The following STXBP4 variants were observed in gnomAD, a reference collection of about 807,000 sequenced individuals.
STXBP4 encodes syntaxin-binding protein 4.
A neutral mutation model predicts 76.1 loss-of-function variants in STXBP4; 55 were observed. The observed-to-expected ratio is 0.72, with a 90% CI of 0.58 to 0.91. The LOEUF (loss-of-function observed/expected upper bound fraction) is 0.91. STXBP4 is among the 40% of genes least tolerant of loss of function. The probability of loss-of-function intolerance (pLI) is 0.00; values close to 1 mark genes in which losing one functional copy is unlikely to be tolerated. For synonymous variants in STXBP4, 201 were observed against 220.2 expected, an observed-to-expected ratio of 0.91 and a Z score of 0.77; for missense variants, 618 against 636.9, an observed-to-expected ratio of 0.97 and a Z score of 0.32.
At chr17:55,086,363 A>G (rs1379972136) in intron 16 of STXBP4, among the ~76,000 whole-genome samples, 2 of 152,186 alleles carry the variant, frequency 1.3e-5, no homozygotes, top group South Asian at 2.1e-4. Flanking sequence ...TAGCATATCT[A>G]TCATCTCAAA....
chr17:55,152,533 G>A (rs1598353606), intron 17 of STXBP4, among the ~76,000 whole-genome samples: 1 of 152,136 alleles, frequency 6.6e-6, no homozygotes, highest in African/African-American at 2.4e-5. Context: ...CACGTGGCTG[G>A]GGAGGCCTCC....
In STXBP4 at chr17:54,986,249, A is replaced by C; in HGVS notation, c.30A>C (p.Ser10=). The change falls in exon 3 of 18, where the codon TCA becomes TCC. Residue 10 remains serine, a synonymous_variant. Transcript: ENST00000376352. MNKNTSTVV[S]PSLLEKDPAF... ...ATAAAAATACATCTACTGTAGTATCACCCAGTCTACTTGAAAAGTAATTTT... is the reference window on the plus strand; with the variant it reads ...ATAAAAATACATCTACTGTAGTATCCCCCAGTCTACTTGAAAAGTAATTTT... 1 of 1,600,350 alleles carries C rather than the reference A, an allele frequency of 6.2e-7. No homozygotes were observed. Among genetic ancestry groups the C allele is most frequent in the Non-Finnish European group, 8.5e-7 (1 of 1,173,844 alleles).
At chr17:55,096,346 T>C (rs758948805) in intron 16 of STXBP4, among the ~76,000 whole-genome samples, 2 of 152,092 alleles carry the variant, frequency 1.3e-5, no homozygotes, top group Non-Finnish European at 2.9e-5. Context: ...TTTGTAGAGA[T>C]GGGATTTTGC....
chr17:55,025,748 A>G lies in STXBP4; in HGVS notation c.667-5420A>G, dbSNP rs556715255. On this transcript the variant is annotated intron_variant, in intron 8 of 17. Transcript: ENST00000376352. ...GGAATAAGACAAGGATGTCTGCTTT[A>G]CCACTTCTATTTTATGTTGCGTTGG... Among the ~76,000 whole-genome samples the G allele has an allele frequency of 2.9e-4, 44 of 152,336 alleles. 1 individual carries two copies. Among genetic ancestry groups the G allele is most frequent in the Middle Eastern group, 6.8e-3 (2 of 294 alleles).
chr17:55,135,967 CA>C (rs1201003417), intron 16 of STXBP4, among the ~76,000 whole-genome samples: 7 of 152,096 alleles, frequency 4.6e-5, no homozygotes, highest in African/African-American at 1.7e-4. Context: ...CTCTGGCATC[CA>C]AATGCTTACA....
chr17:55,212,022 G>A, the STXBP4 span, among the ~76,000 whole-genome samples: 3,603 of 150,182 alleles, frequency 0.024, 93 homozygotes, highest in Non-Finnish European at 0.03. Flanking sequence ...GATTCATCAT[G>A]TCTGTCAGGC....
chr17:54,998,623 G>A (rs942914023), intron 4 of STXBP4, among the ~76,000 whole-genome samples: 13 of 152,136 alleles, frequency 8.5e-5, no homozygotes, highest in South Asian at 2.1e-4. Flanking sequence ...AGCCAACTAG[G>A]CCTTAATCAT....
intron 17 of STXBP4, among the ~76,000 whole-genome samples, chr17:55,155,097 G>A (rs956393924): frequency 6.6e-6 from 1 of 152,138 alleles, no homozygotes; most frequent in Middle Eastern, 3.4e-3. Context: ...GATTTTAGCG[G>A]CATATTTCCA....
chr17:54,972,230 T>A (rs1328266482), intron 1 of STXBP4, among the ~76,000 whole-genome samples: 1 of 152,206 alleles, frequency 6.6e-6, no homozygotes, highest in Non-Finnish European at 1.5e-5. Context: ...GTGGGGAGAA[T>A]CTTTGTGTTT....
At chr17:55,030,023 A>G (rs547411613) in intron 8 of STXBP4, among the ~76,000 whole-genome samples, 1 of 152,272 alleles carries the variant, frequency 6.6e-6, no homozygotes, top group Non-Finnish European at 1.5e-5. Flanking sequence ...TCGACACTAT[A>G]TATGCTCTTG....
At chr17:54,996,541 C>T (rs937586985) in intron 4 of STXBP4, among the ~76,000 whole-genome samples, 3 of 152,116 alleles carry the variant, frequency 2.0e-5, no homozygotes, top group Non-Finnish European at 4.4e-5. Context: ...TCATTCACTT[C>T]ATCTTATTTA....
At chr17:55,013,398 A>G (rs1213038705) in intron 8 of STXBP4, among the ~76,000 whole-genome samples, 4 of 152,214 alleles carry the variant, frequency 2.6e-5, no homozygotes, top group African/African-American at 4.8e-5. Flanking sequence ...AGTTTCCTTA[A>G]TTACTGTATA....
At chr17:55,032,955 A>G (rs1186045902) in intron 9 of STXBP4, among the ~76,000 whole-genome samples, 1 of 152,160 alleles carries the variant, frequency 6.6e-6, no homozygotes, top group Non-Finnish European at 1.5e-5. Flanking sequence ...TTAAATATGA[A>G]CTCATAGTCA....
chr17:55,061,321 T>G (rs2078992326), intron 12 of STXBP4, among the ~76,000 whole-genome samples: 1 of 152,222 alleles, frequency 6.6e-6, no homozygotes, highest in African/African-American at 2.4e-5. Flanking sequence ...TCTTGTGTAT[T>G]CATTTAAAAA....
intron 16 of STXBP4, among the ~76,000 whole-genome samples, chr17:55,120,889 C>G (rs1945748365): frequency 6.6e-6 from 1 of 151,986 alleles, no homozygotes; most frequent in South Asian, 2.1e-4. Flanking sequence ...TGCATCAGCT[C>G]AAAGGAGGCA....
chr17:55,050,322 A>T (rs1260086653), intron 12 of STXBP4, among the ~76,000 whole-genome samples: 1 of 152,112 alleles, frequency 6.6e-6, no homozygotes, highest in Non-Finnish European at 1.5e-5. Flanking sequence ...CTGAACAGAT[A>T]ATTCATCAAA....
At chr17:55,191,443 A>G in the STXBP4 span, among the ~76,000 whole-genome samples, 1 of 152,168 alleles carries the variant, frequency 6.6e-6, no homozygotes, top group Admixed American at 6.5e-5. Flanking sequence ...AAATTTCTTC[A>G]AATGGTTATG....
the STXBP4 span, among the ~76,000 whole-genome samples, chr17:55,188,324 T>A: frequency 6.6e-6 from 1 of 152,184 alleles, no homozygotes; most frequent in Non-Finnish European, 1.5e-5. Context: ...AAAGAAGAAT[T>A]TAGACTATAT....
chr17:55,199,957 A>G, the STXBP4 span, among the ~76,000 whole-genome samples: 1 of 152,024 alleles, frequency 6.6e-6, no homozygotes, highest in South Asian at 2.1e-4. Flanking sequence ...CCCTATCCCC[A>G]TTCCTTAGAG....
Sources: allele counts gnomAD v4.1 joint callset (sites outside exome capture counted in the v4.1 genomes callset), GRCh38; gene constraint gnomAD v4.1.1; transcripts MANE v1.5; gene names NCBI Gene and HGNC (gene_info 2026-07-23, HGNC 2026-07-21).